Variants in TMEM232 observed in about 807,000 individuals in gnomAD.
TMEM232 encodes the protein transmembrane protein 232.
Under a neutral mutation model 78.8 loss-of-function variants are expected in TMEM232, and 80 were observed. The ratio of observed to expected loss-of-function variants is 1.01; its 90% CI spans 0.85 to 1.22. The LOEUF (loss-of-function observed/expected upper bound fraction) is 1.22. Ranked by LOEUF, TMEM232 falls within the 50% of genes most tolerant of loss-of-function variation. TMEM232 has a pLI of 0.00. For missense variants in TMEM232, 881 were observed against 742.2 expected (o/e 1.19, Z -2.17); for synonymous variants, 297 against 254.3 (o/e 1.17, Z -1.60).
At chr5:110,469,808 A>G (rs1226168466) in intron 12 of TMEM232, among the ~76,000 whole-genome samples, 1 of 152,152 alleles carries the variant, frequency 6.6e-6, no homozygotes, top group East Asian at 1.9e-4. Flanking sequence ...CTGATAGAGC[A>G]TTCTATGTCC....
intron 11 of TMEM232, among the ~76,000 whole-genome samples, chr5:110,550,886 A>T (rs1320316433): frequency 2.0e-5 from 3 of 151,840 alleles, no homozygotes; most frequent in Non-Finnish European, 2.9e-5. Context: ...GTAAAAAAAA[A>T]AAAAAAGTTC....
chr5:110,556,591 G>C (rs1039412529), intron 11 of TMEM232, among the ~76,000 whole-genome samples: 1 of 152,098 alleles, frequency 6.6e-6, no homozygotes, highest in African/African-American at 2.4e-5. Flanking sequence ...GTTTTGCATT[G>C]TTGCCCAGGC....
chr5:110,451,965 G>A (rs1760346078), intron 12 of TMEM232, among the ~76,000 whole-genome samples: 1 of 151,998 alleles, frequency 6.6e-6, no homozygotes, highest in African/African-American at 2.4e-5. Flanking sequence ...ATTGAGAGAA[G>A]TTTCAGCTAC....
At chr5:110,720,271 G>A (rs973819054) in intron 1 of TMEM232, among the ~76,000 whole-genome samples, 2 of 152,058 alleles carry the variant, frequency 1.3e-5, no homozygotes, top group Admixed American at 6.6e-5. Flanking sequence ...AGGGAAATTA[G>A]GGTATCAATA....
chr5:110,418,521 A>ATC (rs202151823), downstream of TMEM232, among the ~76,000 whole-genome samples: 15 of 152,154 alleles, frequency 9.9e-5, no homozygotes, highest in South Asian at 1.7e-3. Context: ...CTGATTAATC[A>ATC]TCTCTCTCTC....
chr5:110,627,932 T>G, intron 5 of TMEM232, 52 bp from the exon 6 acceptor site: 2 of 1,200,498 alleles, frequency 1.7e-6, no homozygotes, highest in Non-Finnish European at 2.3e-6. Context: ...AATAAATGTT[T>G]AAAAACCATA....
chr5:110,685,390 A>G (rs1793270767), intron 1 of TMEM232, among the ~76,000 whole-genome samples: 1 of 152,118 alleles, frequency 6.6e-6, no homozygotes, highest in Non-Finnish European at 1.5e-5. Flanking sequence ...AATCTGAGAA[A>G]GATCAACAAA....
chr5:110,601,546 C>G (rs1016132661), intron 10 of TMEM232, among the ~76,000 whole-genome samples: 1 of 151,988 alleles, frequency 6.6e-6, no homozygotes, highest in South Asian at 2.1e-4. Flanking sequence ...CCATTCACAA[C>G]TGCTACAAAG....
At chr5:110,526,461 ACTTAC>A (rs374471037) in intron 12 of TMEM232, among the ~76,000 whole-genome samples, 3 of 152,072 alleles carry the variant, frequency 2.0e-5, no homozygotes, top group African/African-American at 7.2e-5. Flanking sequence ...TGTTCAAACT[ACTTAC>A]CTTAAGAAAA....
intron 10 of TMEM232, among the ~76,000 whole-genome samples, chr5:110,593,014 T>C (rs796441327): frequency 5.3e-5 from 8 of 152,298 alleles, no homozygotes; most frequent in African/African-American, 1.9e-4. Context: ...AAAATCAGAA[T>C]TGATTGTTCT....
intron 1 of TMEM232, among the ~76,000 whole-genome samples, chr5:110,717,210 G>A (rs1387617042): frequency 6.7e-6 from 1 of 150,118 alleles, no homozygotes. Flanking sequence ...CACACACAAT[G>A]TAACATCCGT....
At chr5:110,561,871 G>A (rs1284399691) in intron 11 of TMEM232, among the ~76,000 whole-genome samples, 2 of 152,018 alleles carry the variant, frequency 1.3e-5, no homozygotes, top group African/African-American at 4.8e-5. Context: ...GGCAGTTACT[G>A]GGTTCCAAGA....
At chr5:110,449,085 T>C (rs1448530946) in intron 12 of TMEM232, among the ~76,000 whole-genome samples, 1 of 152,050 alleles carries the variant, frequency 6.6e-6, no homozygotes, top group Non-Finnish European at 1.5e-5. Flanking sequence ...TGAAAATGAT[T>C]GTTAGGAAAC....
intron 2 of TMEM232, among the ~76,000 whole-genome samples, chr5:110,406,277 C>T (rs867568791): frequency 0.091 from 13,691 of 150,018 alleles, 1,204 homozygotes; most frequent in African/African-American, 0.23. Context: ...CACACACACA[C>T]ACACACACAC....
intron 1 of TMEM232, among the ~76,000 whole-genome samples, chr5:110,678,983 T>C (rs1238683320): frequency 6.6e-6 from 1 of 152,210 alleles, no homozygotes; most frequent in Non-Finnish European, 1.5e-5. Context: ...AAAACATTCA[T>C]GTGCAGGTTT....
At chr5:110,558,128 G>T (rs1004476509) in intron 11 of TMEM232, among the ~76,000 whole-genome samples, 1 of 152,142 alleles carries the variant, frequency 6.6e-6, no homozygotes, top group Non-Finnish European at 1.5e-5. Context: ...TCATGCCTTT[G>T]TTCTCTAGCT....
At chr5:110,733,155 T>A (rs1223506920) in intron 2 of TMEM232, among the ~76,000 whole-genome samples, 4 of 152,070 alleles carry the variant, frequency 2.6e-5, no homozygotes, top group Admixed American at 2.6e-4. Context: ...ATGGCTATTA[T>A]TAAAAAGTAA....
At chr5:110,527,369 A>C (rs1770750717) in intron 12 of TMEM232, among the ~76,000 whole-genome samples, 1 of 151,938 alleles carries the variant, frequency 6.6e-6, no homozygotes, top group Non-Finnish European at 1.5e-5. Flanking sequence ...ACATATTTTC[A>C]AATATGGAGC....
chr5:110,685,191 A>G (rs1030346060), intron 1 of TMEM232, among the ~76,000 whole-genome samples: 1 of 152,184 alleles, frequency 6.6e-6, no homozygotes, highest in Non-Finnish European at 1.5e-5. Context: ...TACTACATAT[A>G]AAAACTTATG....
Sources: allele counts gnomAD v4.1 joint callset (sites outside exome capture counted in the v4.1 genomes callset), GRCh38; gene constraint gnomAD v4.1.1; transcripts MANE v1.5; gene names NCBI Gene and HGNC (gene_info 2026-07-23, HGNC 2026-07-21).